VWC2L: variants seen among roughly 807,000 people sequenced by gnomAD.
VWC2L encodes von Willebrand factor C domain-containing protein 2-like.
A neutral mutation model predicts 21.6 loss-of-function variants in VWC2L; 10 were observed. The ratio of observed to expected loss-of-function variants is 0.46; its 90% confidence interval spans 0.29 to 0.78. VWC2L has a LOEUF of 0.78. Among genes scored for constraint, VWC2L ranks in the 30% least tolerant of loss-of-function variants. VWC2L has a pLI of 0.10. For missense variants in VWC2L, 209 were observed against 277.1 expected (o/e 0.75, Z 1.74); for synonymous variants, 96 against 94.3 (o/e 1.02, Z -0.10).
chr2:214,561,998 A>AT (rs1689982961), intron 3 of VWC2L, among the ~76,000 whole-genome samples: 1 of 151,540 alleles, frequency 6.6e-6, no homozygotes, highest in Admixed American at 6.6e-5. Context: ...TCTTTTTTTA[A>AT]TTTTTAAAGG....
chr2:214,567,858 G>A (rs1173760135), intron 3 of VWC2L, among the ~76,000 whole-genome samples: 1 of 152,132 alleles, frequency 6.6e-6, no homozygotes, highest in Non-Finnish European at 1.5e-5. Flanking sequence ...TAATACTCAT[G>A]AGGAGAAAAT....
intron 3 of VWC2L, among the ~76,000 whole-genome samples, chr2:214,494,114 T>C (rs1315134826): frequency 1.3e-5 from 2 of 152,174 alleles, no homozygotes; most frequent in African/African-American, 4.8e-5. Context: ...CAGTATTTTA[T>C]GTTAAATTCA....
intron 2 of VWC2L, among the ~76,000 whole-genome samples, chr2:214,419,091 GTTGTGGGATTT>G (rs1005216693): frequency 1.3e-5 from 2 of 152,300 alleles, no homozygotes; most frequent in South Asian, 2.1e-4. Context: ...ATTTATAAAG[GTTGTGGGATTT>G]TTGTGGGGTT....
intron 3 of VWC2L, among the ~76,000 whole-genome samples, chr2:214,478,269 A>G (rs1031131231): frequency 2.7e-4 from 41 of 152,272 alleles, no homozygotes; most frequent in African/African-American, 9.9e-4. Flanking sequence ...ACCTGAGGTC[A>G]GGAGTTCAAA....
chr2:214,514,127 G>T (rs1330613884), intron 3 of VWC2L, among the ~76,000 whole-genome samples: 1 of 151,546 alleles, frequency 6.6e-6, no homozygotes, highest in Non-Finnish European at 1.5e-5. Flanking sequence ...TGTTAATTTG[G>T]ATAAGCAGTT....
chr2:214,527,621 C>T (rs1689363810), intron 3 of VWC2L, among the ~76,000 whole-genome samples: 1 of 152,096 alleles, frequency 6.6e-6, no homozygotes, highest in Admixed American at 6.5e-5. Flanking sequence ...TCCCTCACAT[C>T]GTACTTAGCC....
chr2:214,447,082 G>A (rs1239412188), intron 3 of VWC2L, among the ~76,000 whole-genome samples: 3 of 152,064 alleles, frequency 2.0e-5, no homozygotes, highest in Non-Finnish European at 4.4e-5. Flanking sequence ...AAGTGTGCAT[G>A]GTAGAAACTG....
intron 3 of VWC2L, among the ~76,000 whole-genome samples, chr2:214,558,950 C>T (rs1689919685): frequency 6.6e-6 from 1 of 151,572 alleles, no homozygotes; most frequent in Admixed American, 6.6e-5. Context: ...ATACATGTGC[C>T]ATGCTGGTGC....
chr2:214,493,490 C>T (rs1030574427), intron 3 of VWC2L, among the ~76,000 whole-genome samples: 2 of 152,178 alleles, frequency 1.3e-5, no homozygotes, highest in Non-Finnish European at 2.9e-5. Context: ...TCCTTTGGTG[C>T]TGCTTTTCTC....
At position 214,529,106 on chromosome 2, in the gene VWC2L, A is replaced by T. The variant is rs1379410667; in HGVS notation, c.521-46566A>T. On this transcript the variant is annotated intron_variant, in intron 3 of 3. Transcript: ENST00000312504. ...GCCTACAATCACAAGCTAGACAATG[A>T]CAAAACCAGGATCTGAAACCAAAGT... Among the ~76,000 whole-genome samples the T allele has an allele frequency of 2.6e-5, 4 of 152,158 alleles. No individual in the cohort carries two copies. In the East Asian group the frequency reaches 7.7e-4, roughly 29 times the overall value.
chr2:214,520,058 T>TACACACACACACACACACACAC (rs60850327), intron 3 of VWC2L, among the ~76,000 whole-genome samples: 6 of 143,152 alleles, frequency 4.2e-5, no homozygotes, highest in African/African-American at 7.7e-5. Flanking sequence ...GCTCCTGTTA[T>TACACACACACACACACACACAC]ACACACACAC....
chr2:214,524,365 T>A (rs1481782033), intron 3 of VWC2L, among the ~76,000 whole-genome samples: 1 of 152,166 alleles, frequency 6.6e-6, no homozygotes, highest in African/African-American at 2.4e-5. Flanking sequence ...CTGTTTCCGG[T>A]CATTCTTTTT....
At chr2:214,535,828 G>A (rs1689518386) in intron 3 of VWC2L, among the ~76,000 whole-genome samples, 1 of 151,372 alleles carries the variant, frequency 6.6e-6, no homozygotes, top group Non-Finnish European at 1.5e-5. Flanking sequence ...ACACTAGTCT[G>A]TACCTAGAAA....
chr2:214,547,079 G>A (rs1457327511), intron 3 of VWC2L, among the ~76,000 whole-genome samples: 3 of 152,204 alleles, frequency 2.0e-5, no homozygotes, highest in East Asian at 1.9e-4. Flanking sequence ...AAAAGAAGAC[G>A]GTCAGCTCAA....
chr2:214,434,997 T>A (rs1225204982), intron 2 of VWC2L, among the ~76,000 whole-genome samples: 1 of 152,122 alleles, frequency 6.6e-6, no homozygotes, highest in South Asian at 2.1e-4. Context: ...ACAGTCCAAG[T>A]CTTTGCTGCA....
intron 3 of VWC2L, among the ~76,000 whole-genome samples, chr2:214,505,271 G>A (rs1460665862): frequency 6.6e-6 from 1 of 152,168 alleles, no homozygotes; most frequent in Non-Finnish European, 1.5e-5. Flanking sequence ...GAAGCAGTGT[G>A]ATTTCTACTT....
intron 3 of VWC2L, among the ~76,000 whole-genome samples, chr2:214,497,459 A>G (rs770984373): frequency 5.3e-5 from 8 of 152,192 alleles, no homozygotes; most frequent in Admixed American, 1.3e-4. Context: ...TCTTTGAGCC[A>G]TGATCCTTCT....
intron 3 of VWC2L, among the ~76,000 whole-genome samples, chr2:214,459,902 C>CTATTTTTTTTTTTTTTTTTTTTTTTTTTT (rs1703113624): frequency 1.2e-5 from 1 of 85,160 alleles, no homozygotes. Flanking sequence ...TTTCCTTTGA[C>CTATTTTTTTTTTTTTTTTTTTTTTTTTTT]TTTTTTTTTT....
chr2:214,427,506 T>C (rs1335667581), intron 2 of VWC2L, among the ~76,000 whole-genome samples: 1 of 152,180 alleles, frequency 6.6e-6, no homozygotes, highest in Admixed American at 6.5e-5. Context: ...AAGAATCCAA[T>C]TAACTATCTA....
Sources: gnomAD v4.1 joint callset for allele counts (sites outside exome capture counted in the v4.1 genomes callset) on GRCh38, gnomAD v4.1.1 for gene constraint, MANE v1.5 for transcripts, NCBI Gene and HGNC (gene_info 2026-07-23, HGNC 2026-07-21) for gene names.